Variants in GPAM observed in about 807,000 individuals in gnomAD.
GPAM encodes glycerol-3-phosphate acyltransferase 1, mitochondrial.
A neutral mutation model predicts 105.0 loss-of-function variants in GPAM; 56 were observed. That is an observed-to-expected ratio of 0.53 (90% CI 0.43 to 0.67). GPAM has a LOEUF of 0.67. GPAM is among the 30% of genes least tolerant of loss of function. The probability of loss-of-function intolerance (pLI) is 0.00; values close to 1 mark genes in which losing one functional copy is unlikely to be tolerated. For synonymous variants in GPAM, 368 were observed against 354.4 expected, an observed-to-expected ratio of 1.04 and a Z score of -0.43; for missense variants, 855 against 989.8, an observed-to-expected ratio of 0.86 and a Z score of 1.83.
chr10:112,192,913 G>A (rs938606540), intron 1 of GPAM, among the ~76,000 whole-genome samples: 25 of 152,158 alleles, frequency 1.6e-4, no homozygotes, highest in African/African-American at 3.1e-4. Context: ...GGGCCTGCCC[G>A]CCTGGGTTAA....
intron 9 of GPAM, among the ~76,000 whole-genome samples, chr10:112,169,636 G>A (rs1847279456): frequency 6.6e-6 from 1 of 152,130 alleles, no homozygotes; most frequent in Admixed American, 6.5e-5. Flanking sequence ...TTTTCAAGTA[G>A]AGTGATACTA....
chr10:112,178,235 A>G (rs1847442176), intron 4 of GPAM, among the ~76,000 whole-genome samples, 178 bp from the exon 5 acceptor site: 3 of 152,162 alleles, frequency 2.0e-5, no homozygotes, highest in Admixed American at 2.0e-4. Context: ...AGAATGTCAT[A>G]AACTCAAAAT....
At chr10:112,186,800 C>T (rs1025879858), upstream of GPAM, among the ~76,000 whole-genome samples, 1 of 152,202 alleles carries the variant, frequency 6.6e-6, no homozygotes, top group Non-Finnish European at 1.5e-5. Flanking sequence ...ATGCGCCTGC[C>T]TCGACCTCCC....
chr10:112,159,840 C>T (rs3740148), intron 17 of GPAM, 71 bp downstream of exon 17: 225,542 of 1,465,058 alleles, frequency 0.15, 18,743 homozygotes, highest in Admixed American at 0.21. Context: ...AACAGAAAAA[C>T]ACGGGGGGTT....
chr10:112,158,532 C>T (rs1400683703), intron 17 of GPAM, 139 bp from the exon 18 acceptor site: 1 of 683,934 alleles, frequency 1.5e-6, no homozygotes, highest in African/African-American at 1.8e-5. Context: ...TCCTGTGATT[C>T]CCAGTGCCCA....
At chr10:112,165,335 T>C (rs1847195327) in intron 12 of GPAM, among the ~76,000 whole-genome samples, 1 of 152,164 alleles carries the variant, frequency 6.6e-6, no homozygotes, top group South Asian at 2.1e-4. Context: ...TCCTTTGGGA[T>C]GTGTGGGTAC....
upstream of GPAM, among the ~76,000 whole-genome samples, chr10:112,218,275 G>A (rs1044392653): frequency 6.6e-5 from 10 of 152,164 alleles, no homozygotes; most frequent in East Asian, 3.9e-4. Context: ...AGGGGCACAC[G>A]GAAATGGATT....
chr10:112,187,166 G>C (rs1847605780), upstream of GPAM, among the ~76,000 whole-genome samples: 1 of 152,132 alleles, frequency 6.6e-6, no homozygotes, highest in South Asian at 2.1e-4. Context: ...AAAGAAGGCA[G>C]TAAATGATGG....
chr10:112,160,302 GC>G, intron 16 of GPAM: 1 of 731,008 alleles, frequency 1.4e-6, no homozygotes, highest in Non-Finnish European at 1.7e-6. Flanking sequence ...CACAAATGAG[GC>G]CCTCCACTCA....
At chr10:112,158,699 T>C (rs772870270) in intron 17 of GPAM, among the ~76,000 whole-genome samples, 2 of 152,218 alleles carry the variant, frequency 1.3e-5, no homozygotes, top group Non-Finnish European at 2.9e-5. Context: ...TGAAGACTGC[T>C]TATCAGCCCC....
At chr10:112,172,112 T>C in intron 9 of GPAM, 70 bp downstream of exon 9, 3 of 1,147,810 alleles carry the variant, frequency 2.6e-6, no homozygotes, top group Non-Finnish European at 3.9e-6. Flanking sequence ...TCGAAAGCTA[T>C]AATTTAAAAA....
rs76894545 is a variant in GPAM at position 112,169,548 on chromosome 10, T to A, written c.795-596A>T. On this transcript the variant is annotated intron_variant, in intron 9 of 21. Transcript: ENST00000348367. The stretch of plus-strand genomic sequence containing the variant: ...AAACGATTCTTTTCCTAACCCTATG[T>A]CTCTTTCTACAACACTAATTTTGAT... Among the ~76,000 whole-genome samples the A allele has an allele frequency of 1.7e-3, 252 of 152,320 alleles. 3 individuals are homozygous for A. The East Asian group carries it at 0.029, about 17-fold the overall frequency.
chr10:112,173,936 A>G (rs1400687342), intron 6 of GPAM, 91 bp from the exon 7 acceptor site: 1 of 1,018,708 alleles, frequency 9.8e-7, no homozygotes, highest in Non-Finnish European at 1.6e-6. Flanking sequence ...TAAATCACAA[A>G]ACAAAATGTA....
intron 11 of GPAM, 89 bp downstream of exon 11, chr10:112,168,223 A>C (rs889341608): frequency 1.2e-6 from 1 of 807,742 alleles, no homozygotes; most frequent in Non-Finnish European, 2.2e-6. Flanking sequence ...ACCAAAAAAA[A>C]TTCTTAATTC....
chr10:112,167,683 A>G (rs980666613), intron 11 of GPAM, among the ~76,000 whole-genome samples: 3 of 152,220 alleles, frequency 2.0e-5, no homozygotes, highest in African/African-American at 4.8e-5. Flanking sequence ...AAGAAATGAA[A>G]TTAATCATTA....
upstream of GPAM, among the ~76,000 whole-genome samples, chr10:112,217,563 G>A (rs1318338526): frequency 6.6e-6 from 1 of 152,052 alleles, no homozygotes; most frequent in South Asian, 2.1e-4. Flanking sequence ...CAAAGCAAGC[G>A]AGAGAGCTAG....
At chr10:112,181,168 A>G (rs1235022964) in intron 3 of GPAM, among the ~76,000 whole-genome samples, 1 of 151,648 alleles carries the variant, frequency 6.6e-6, no homozygotes, top group Non-Finnish European at 1.5e-5. Context: ...TACAGATATA[A>G]CATTCTCAAA....
chr10:112,177,666 G>T (rs1224596798), intron 5 of GPAM, among the ~76,000 whole-genome samples: 1 of 152,094 alleles, frequency 6.6e-6, no homozygotes, highest in Non-Finnish European at 1.5e-5. Flanking sequence ...AATCATAAGA[G>T]ATTCAAACCT....
rs1426259783 is a variant in GPAM, at chr10:112,156,021, G to A, written c.2154C>T (p.Ile718=). ...VSQSKEHQQF[I]TFLQRLLGPL... is the part of the protein sequence containing the mutation. ...GCCCAAGGAGTCTCTGTAAGAAGGTGATAAACTGCTGGTGCTCCTTGGATT... is the reference window on the plus strand; with the variant it reads ...GCCCAAGGAGTCTCTGTAAGAAGGTAATAAACTGCTGGTGCTCCTTGGATT... The change falls in exon 20 of 22, where the codon ATC becomes ATT. Residue 718 remains isoleucine, a synonymous_variant. Transcript: ENST00000348367. 2.5e-6 allele frequency: 4 copies of A among 1,613,196 alleles called. No homozygotes were observed. The East Asian group carries it at 8.9e-5, about 36-fold the overall frequency.
Sources: allele counts gnomAD v4.1 joint callset (sites outside exome capture counted in the v4.1 genomes callset), GRCh38; gene constraint gnomAD v4.1.1; transcripts MANE v1.5; gene names NCBI Gene and HGNC (gene_info 2026-07-23, HGNC 2026-07-21).